Variants in FGF14 observed in about 807,000 individuals in gnomAD.
FGF14 encodes fibroblast growth factor homologous factor 4.
FGF14 carries 5 observed loss-of-function variants against 25.5 expected under a neutral mutation model. That is an observed-to-expected ratio of 0.20 (90% CI 0.10 to 0.41). The LOEUF is 0.41. FGF14 is among the 10% of genes least tolerant of loss of function. FGF14 has a pLI of 1.00. For missense variants in FGF14, 222 were observed against 320.1 expected (o/e 0.69, Z 2.34); for synonymous variants, 138 against 118.3 (o/e 1.17, Z -1.08).
intron 1 of FGF14, among the ~76,000 whole-genome samples, chr13:102,018,156 C>T (rs1258026711): frequency 1.3e-5 from 2 of 152,014 alleles, no homozygotes; most frequent in Non-Finnish European, 2.9e-5. Context: ...GTTTTTTATG[C>T]TTATCATAAC....
rs139845428 is a variant in FGF14 at position 101,781,117 on chromosome 13, C to T, written c.409-54307G>A. Among the ~76,000 whole-genome samples, 1,171 of 139,342 alleles carry T rather than the reference C, an allele frequency of 8.4e-3. 15 individuals carry two copies. The highest frequency in any genetic ancestry group is 0.028 in the African/African-American group (1,069 of 38,104). 91.4% of individuals were successfully genotyped at this position (139,342 alleles called of 152,430 possible). On this transcript the variant is annotated intron_variant, in intron 3 of 4. Transcript: ENST00000376143. ...AGCGTCTTGCCATAGCATGCTCCCC[C>T]TGCTCTCTCTTTGTCTTTGTCTCTC...
At chr13:101,810,880 G>A (rs79126465) in intron 3 of FGF14, among the ~76,000 whole-genome samples, 2 of 152,020 alleles carry the variant, frequency 1.3e-5, no homozygotes, top group East Asian at 3.9e-4. Context: ...AAAAGCATGG[G>A]TCCTAACTTG....
intron 1 of FGF14, among the ~76,000 whole-genome samples, chr13:102,068,520 C>T (rs1189776766): frequency 1.3e-5 from 2 of 152,214 alleles, no homozygotes; most frequent in African/African-American, 4.8e-5. Flanking sequence ...GCTTGCGGGC[C>T]AGCTGGAGTT....
At chr13:101,778,505 C>T (rs927986015) in intron 3 of FGF14, among the ~76,000 whole-genome samples, 4 of 152,160 alleles carry the variant, frequency 2.6e-5, no homozygotes, top group African/African-American at 9.7e-5. Context: ...TCAGGCTGGG[C>T]TCCTTGCTGA....
intron 3 of FGF14, among the ~76,000 whole-genome samples, chr13:101,765,205 C>A (rs2038298749): frequency 6.6e-6 from 1 of 152,202 alleles, no homozygotes; most frequent in African/African-American, 2.4e-5. Context: ...TCTTTCTCCT[C>A]CCTACTTTAT....
chr13:101,888,452 G>A lies in FGF14; in HGVS notation c.194-13156C>T, dbSNP rs1375474086. 1.6e-4 allele frequency among the ~76,000 whole-genome samples: 25 copies of A among 152,154 alleles called. 1 individual carries two copies. The highest frequency in any genetic ancestry group is 1.8e-4 in the Non-Finnish European group (12 of 68,020). ...CACATAAATATATACATGAATGTGT[G>A]TGTGTGTGTAAAATTTAAAGCTTGT... On this transcript the variant is annotated intron_variant, in intron 1 of 4. Transcript: ENST00000376143.
intron 1 of FGF14, among the ~76,000 whole-genome samples, chr13:102,354,430 CTGTT>C (rs1275976542): frequency 1.3e-5 from 2 of 152,214 alleles, no homozygotes; most frequent in Non-Finnish European, 2.9e-5. Context: ...AAGAATGCCA[CTGTT>C]TGTCTCTTAC....
chr13:101,916,523 G>A lies in FGF14; in HGVS notation c.123C>T (p.Asn41=), dbSNP rs372705140. The A allele has an allele frequency of 2.4e-4, 388 of 1,613,832 alleles. No individual in the cohort carries two copies. Among genetic ancestry groups the A allele is most frequent in the Middle Eastern group, 6.6e-4 (4 of 6,062 alleles). Residue 41 remains asparagine (N), a synonymous_variant, in exon 1 of 5, where the codon AAC becomes AAT. Coordinates refer to ENST00000376143, the MANE Select transcript of FGF14 (RefSeq NM_004115.4). ...TGGAGAAGATATCCACCAGGTTGCC[G>A]TTGCAGAGCCCGCGGTTCTTGCTGG... ...SSPSKNRGLC[N]GNLVDIFSKV... is the part of the protein sequence containing the mutation.
chr13:102,293,405 C>T (rs945879338), intron 1 of FGF14: 8 of 152,226 alleles, frequency 5.3e-5, no homozygotes, highest in African/African-American at 1.9e-4. Context: ...TATTTTCACT[C>T]TCCCTATTGC....
In FGF14 at chr13:101,957,429, G is replaced by A. The variant is rs2036578983; in HGVS notation, c.209-82133C>T. Among the ~76,000 whole-genome samples, 2 of 152,148 alleles carry A rather than the reference G, an allele frequency of 1.3e-5. 1 individual carries two copies. Among genetic ancestry groups the A allele is most frequent in the South Asian group, 4.1e-4 (2 of 4,824 alleles). ...GAGAAACTGAACCAGAGCTCACAGA[G>A]TATTGAATAGTCAGCAAACTAAGTA... On this transcript the variant is annotated intron_variant, in intron 1 of 4. Coordinates refer to the FGF14 transcript ENST00000376131.
intron 3 of FGF14, among the ~76,000 whole-genome samples, chr13:101,756,665 G>A (rs903795105): frequency 9.9e-5 from 15 of 152,194 alleles, no homozygotes; most frequent in Middle Eastern, 3.4e-3. Context: ...TCCAGGAGGC[G>A]GAGGTTGCCA....
Position 102,382,160 on chromosome 13 carries a change from T to C in FGF14, c.208+19311A>G, listed in dbSNP as rs575784184. Reference sequence around the variant, plus strand: ...TAGACTTCAACGAAATTAAGAACTTTGTGCTTTAGAGGACACCATTAAGAA... The same window carrying C: ...TAGACTTCAACGAAATTAAGAACTTCGTGCTTTAGAGGACACCATTAAGAA... On this transcript the variant is annotated intron_variant, in intron 1 of 4. Coordinates refer to the FGF14 transcript ENST00000376131. Among the ~76,000 whole-genome samples the C allele has an allele frequency of 2.6e-5, 4 of 152,272 alleles. No homozygotes were observed. In the East Asian group the frequency reaches 7.7e-4, roughly 29 times the overall value.
intron 1 of FGF14, among the ~76,000 whole-genome samples, chr13:102,089,552 T>C (rs2044076690): frequency 1.3e-5 from 2 of 152,222 alleles, no homozygotes; most frequent in African/African-American, 4.8e-5. Flanking sequence ...TTTTAGTTGA[T>C]ATTACTGCCT....
At chr13:101,985,094 T>C (rs2038496624) in intron 1 of FGF14, among the ~76,000 whole-genome samples, 1 of 125,072 alleles carries the variant, frequency 8.0e-6, no homozygotes, top group Non-Finnish European at 1.6e-5. Context: ...TTTTTTTTTT[T>C]GCCACAACAG....
rs369327747 is a variant in FGF14 at position 101,752,944 on chromosome 13, C to A, written c.409-26134G>T. 2.4e-4 allele frequency among the ~76,000 whole-genome samples: 37 copies of A among 152,230 alleles called. No homozygotes were observed. In the East Asian group the frequency reaches 2.7e-3, roughly 11 times the overall value. Reference sequence around the variant, plus strand: ...CCAGGGGCACATAACCACACCTAGACTAATCACTGGATAAGCGAAGTGGGG... The same window carrying A: ...CCAGGGGCACATAACCACACCTAGAATAATCACTGGATAAGCGAAGTGGGG... On this transcript the variant is annotated intron_variant, in intron 3 of 4. Coordinates refer to ENST00000376143, the MANE Select transcript of FGF14 (RefSeq NM_004115.4).
chr13:102,161,925 C>CT (rs567518687), intron 1 of FGF14, among the ~76,000 whole-genome samples: 2 of 151,014 alleles, frequency 1.3e-5, no homozygotes, highest in African/African-American at 2.4e-5. Flanking sequence ...TAACTGTTTT[C>CT]TTTTTTTTAT....
intron 1 of FGF14, among the ~76,000 whole-genome samples, chr13:102,372,221 A>G (rs2057906989): frequency 6.6e-6 from 1 of 152,184 alleles, no homozygotes; most frequent in African/African-American, 2.4e-5. Flanking sequence ...TCTAACCCCA[A>G]AATTCCTACA....
intron 3 of FGF14, among the ~76,000 whole-genome samples, chr13:101,842,590 G>A (rs2043245472): frequency 6.6e-6 from 1 of 151,938 alleles, no homozygotes; most frequent in South Asian, 2.1e-4. Flanking sequence ...AAACTACTCT[G>A]AGAAAACAAA....
chr13:101,897,155 A>G (rs2138948194), intron 1 of FGF14, among the ~76,000 whole-genome samples: 1 of 152,276 alleles, frequency 6.6e-6, no homozygotes. Flanking sequence ...ATGTGGAAAG[A>G]TTTACCTAGG....
Sources: allele counts gnomAD v4.1 joint callset (sites outside exome capture counted in the v4.1 genomes callset), GRCh38; gene constraint gnomAD v4.1.1; transcripts MANE v1.5; gene names NCBI Gene and HGNC (gene_info 2026-07-23, HGNC 2026-07-21).